EMILIN2: variants seen among roughly 807,000 people sequenced by gnomAD.
EMILIN2 encodes the protein EMILIN-2.
A neutral mutation model predicts 87.1 loss-of-function variants in EMILIN2; 71 were observed. That is an observed-to-expected ratio of 0.82 (90% CI 0.67 to 0.99). EMILIN2 has a LOEUF of 0.99. Among genes scored for constraint, EMILIN2 ranks in the 50% least tolerant of loss-of-function variants. The pLI is 0.00. For missense variants in EMILIN2, 1,407 were observed against 1,371.8 expected, an observed-to-expected ratio of 1.03 and a Z score of -0.40; for synonymous variants, 581 against 563.4, an observed-to-expected ratio of 1.03 and a Z score of -0.44.
In EMILIN2 at chr18:2,891,992, T is replaced by C. The variant is rs2076840158; in HGVS notation, c.1865T>C (p.Val622Ala). 1.9e-6 allele frequency: 3 copies of C among 1,614,124 alleles called. No homozygotes were observed. The highest frequency in any genetic ancestry group is 2.7e-5 in the African/African-American group (2 of 74,936). The change falls in exon 4 of 8, where the codon GTG (valine) becomes GCG (alanine). Residue 622 changes from valine (V) to alanine (A), a missense_variant. Physicochemically the swap from Val to Ala is moderately conservative, Grantham distance 64 (BLOSUM62 0). Transcript: ENST00000254528. This position sits in a 1 kb window ranked among gnomAD's most constrained non-coding sequence, Gnocchi z 4.6. The stretch of plus-strand genomic sequence containing the variant: ...CAATTAAACCACACAGAAAATGATG[T>C]GACTCATCTTCAAAAGGAAATGAGC... Reference protein sequence around the residue: ...YSQLNHTENDVTHLQKEMSNC... With the variant: ...YSQLNHTENDATHLQKEMSNC...
intron 3 of EMILIN2, among the ~76,000 whole-genome samples, chr18:2,888,582 G>A (rs983399952): frequency 6.6e-6 from 1 of 151,940 alleles, no homozygotes; most frequent in Non-Finnish European, 1.5e-5. Flanking sequence ...GGGCATGGTG[G>A]TGGGCACCTG....
intron 2 of EMILIN2, among the ~76,000 whole-genome samples, chr18:2,866,512 G>A (rs2076687440): frequency 6.6e-6 from 1 of 152,164 alleles, no homozygotes; most frequent in African/African-American, 2.4e-5. Context: ...CGCTTTTGGT[G>A]TATATCAGAA....
rs779194366 is a variant in EMILIN2, at chr18:2,891,643, C to T, written c.1516C>T (p.Leu506=). The change falls in exon 4 of 8, where the codon CTA becomes TTA. Residue 506 remains leucine, a synonymous_variant. Coordinates refer to ENST00000254528, the MANE Select transcript of EMILIN2 (RefSeq NM_032048.3). The surrounding 1 kb of genome is among the most constrained non-coding windows in gnomAD (Gnocchi z 4.6). ...SLEDRLGSVL[L]QMTNNTGAEL... Reference sequence around the variant, plus strand: ...GGAAGACCGTCTGGGGAGCGTTCTCCTACAGATGACCAATAACACTGGTGC... The same window carrying T: ...GGAAGACCGTCTGGGGAGCGTTCTCTTACAGATGACCAATAACACTGGTGC... 16 of 1,613,938 alleles carry T rather than the reference C, an allele frequency of 9.9e-6. No homozygotes were observed. The highest frequency in any genetic ancestry group is 1.4e-5 in the Non-Finnish European group (16 of 1,180,022).
intron 2 of EMILIN2, among the ~76,000 whole-genome samples, chr18:2,868,448 G>T (rs185207157): frequency 1.3e-4 from 20 of 152,336 alleles, no homozygotes; most frequent in Middle Eastern, 3.4e-3. Flanking sequence ...CAAGGCAGGC[G>T]GCTGGGAGGT....
At position 2,891,633 on chromosome 18, in the gene EMILIN2, G is replaced by A. The variant is rs1319167174; in HGVS notation, c.1506G>A (p.Gly502=). The A allele has an allele frequency of 5.8e-5, 93 of 1,614,048 alleles. No individual in the cohort carries two copies. Among genetic ancestry groups the A allele is most frequent in the Non-Finnish European group, 7.7e-5 (91 of 1,180,026 alleles). The change falls in exon 4 of 8, where the codon GGG becomes GGA. Residue 502 remains glycine (G), a synonymous_variant. Coordinates refer to ENST00000254528, the MANE Select transcript of EMILIN2 (RefSeq NM_032048.3). The surrounding 1 kb of genome is among the most constrained non-coding windows in gnomAD (Gnocchi z 4.6). ...TACAGTCTCTGGAAGACCGTCTGGG[G>A]AGCGTTCTCCTACAGATGACCAATA... The part of the protein sequence containing the change: ...QKIQSLEDRL[G]SVLLQMTNNT...
rs1230531695 is a variant in EMILIN2 at position 2,847,416 on chromosome 18, C to A, written c.134+94C>A. 8.5e-7 allele frequency: 1 copy of A among 1,172,704 alleles called. No individual in the cohort carries two copies. Among genetic ancestry groups the A allele is most frequent in the Non-Finnish European group, 1.1e-6 (1 of 937,900 alleles). 72.6% of individuals were successfully genotyped at this position (1,172,704 alleles called of 1,614,324 possible). ...CTGCCCTGCCAAAGACGACGAGCGG[C>A]AGCCGGGGGCCTCCCTTGGACTTCC... On this transcript the variant is annotated intron_variant, in intron 1 of 7. Coordinates refer to ENST00000254528, the MANE Select transcript of EMILIN2 (RefSeq NM_032048.3). The surrounding 1 kb of genome is among the most constrained non-coding windows in gnomAD (Gnocchi z 4.5).
At chr18:2,871,630 C>G (rs1380760328) in intron 2 of EMILIN2, among the ~76,000 whole-genome samples, 1 of 152,292 alleles carries the variant, frequency 6.6e-6, no homozygotes, top group Non-Finnish European at 1.5e-5. Context: ...GTGTGCTCCT[C>G]TGTTGAGGGT....
intron 2 of EMILIN2, among the ~76,000 whole-genome samples, chr18:2,859,747 T>C (rs1008542029): frequency 6.6e-6 from 1 of 152,248 alleles, no homozygotes; most frequent in Non-Finnish European, 1.5e-5. Context: ...GATTTTTGTG[T>C]AAGGTGAGAG....
chr18:2,867,966 G>A, intron 2 of EMILIN2, among the ~76,000 whole-genome samples: 1 of 151,660 alleles, frequency 6.6e-6, no homozygotes, highest in East Asian at 2.0e-4. Flanking sequence ...CGGGGCGGCT[G>A]GCCGGGCAGG....
intron 3 of EMILIN2, among the ~76,000 whole-genome samples, chr18:2,886,697 T>A (rs976872121): frequency 1.3e-5 from 2 of 152,246 alleles, no homozygotes; most frequent in Non-Finnish European, 2.9e-5. Flanking sequence ...CCATGTGGTG[T>A]ACTATGAATA....
Position 2,848,067 on chromosome 18 carries a change from C to G in EMILIN2, c.257+136C>G, listed in dbSNP as rs542373285. ...CGGTGAAAAGCCCGCAGCGGAAAAG[C>G]GCTCCGAGCGCTCGCGGGGCACCGG... On this transcript the variant is annotated intron_variant, in intron 2 of 7. Transcript: ENST00000254528. The surrounding 1 kb of genome is among the most constrained non-coding windows in gnomAD (Gnocchi z 4.1). 3.1e-4 allele frequency: 362 copies of G among 1,174,294 alleles called. No individual in the cohort carries two copies. In the African/African-American group the frequency reaches 5.3e-3, roughly 17 times the overall value. 72.7% of individuals were successfully genotyped at this position (1,174,294 alleles called of 1,614,324 possible).
chr18:2,868,584 A>G (rs1428813742), intron 2 of EMILIN2, among the ~76,000 whole-genome samples: 2 of 152,270 alleles, frequency 1.3e-5, no homozygotes, highest in Non-Finnish European at 2.9e-5. Flanking sequence ...ACTCGCGGTT[A>G]GGAGCTGGAG....
intron 4 of EMILIN2, among the ~76,000 whole-genome samples, chr18:2,901,164 C>T (rs571386023): frequency 3.9e-4 from 59 of 152,352 alleles, no homozygotes; most frequent in African/African-American, 1.4e-3. Flanking sequence ...ACAGCCGAGT[C>T]TCAACCACAG....
chr18:2,848,643 A>G lies in EMILIN2; in HGVS notation c.257+712A>G, dbSNP rs1443542593. Among the ~76,000 whole-genome samples, 5 of 147,780 alleles carry G rather than the reference A, an allele frequency of 3.4e-5. No homozygotes were observed. The highest frequency in any genetic ancestry group is 7.4e-5 in the Non-Finnish European group (5 of 67,118). On this transcript the variant is annotated intron_variant, in intron 2 of 7. Coordinates refer to ENST00000254528, the MANE Select transcript of EMILIN2 (RefSeq NM_032048.3). The surrounding 1 kb of genome is among the most constrained non-coding windows in gnomAD (Gnocchi z 4.1). ...ATGCAATAAAGTACAAATGCCGTTA[A>G]ATACATGACACTCATTCAATTGTCA...
At chr18:2,873,489 C>G (rs57850138) in intron 2 of EMILIN2, among the ~76,000 whole-genome samples, 1 of 151,450 alleles carries the variant, frequency 6.6e-6, no homozygotes, top group Non-Finnish European at 1.5e-5. Context: ...GGGTGGATCA[C>G]GAGGTCAGGA....
chr18:2,908,485 G>A (rs1242968227), intron 5 of EMILIN2, among the ~76,000 whole-genome samples: 2 of 152,064 alleles, frequency 1.3e-5, no homozygotes, highest in South Asian at 2.1e-4. Flanking sequence ...TCTTCCCTGT[G>A]TGCATCCACT....
At chr18:2,870,876 C>T (rs533121225) in intron 2 of EMILIN2, among the ~76,000 whole-genome samples, 1 of 152,178 alleles carries the variant, frequency 6.6e-6, no homozygotes, top group Non-Finnish European at 1.5e-5. Context: ...CCGTCTTCTC[C>T]CTGTGTCTCT....
chr18:2,865,846 G>C (rs960578472), intron 2 of EMILIN2, among the ~76,000 whole-genome samples: 2 of 152,188 alleles, frequency 1.3e-5, no homozygotes, highest in Admixed American at 6.5e-5. Context: ...CTTGAGCTAC[G>C]GTGGGCTCCA....
intron 7 of EMILIN2, among the ~76,000 whole-genome samples, chr18:2,912,086 T>G (rs1258055169): frequency 7.0e-6 from 1 of 141,940 alleles, no homozygotes; most frequent in Non-Finnish European, 1.5e-5. Flanking sequence ...TCACCCAGGC[T>G]GGAGTGCAGT....
Sources: allele counts gnomAD v4.1 joint callset (sites outside exome capture counted in the v4.1 genomes callset), GRCh38; gene constraint gnomAD v4.1.1; non-coding constraint Gnocchi (gnomAD v3.1); transcripts MANE v1.5; gene names NCBI Gene and HGNC (gene_info 2026-07-23, HGNC 2026-07-21).